The following C12orf54 variants were observed in gnomAD, a reference collection of about 807,000 sequenced individuals.
C12orf54 encodes uncharacterized protein C12orf54.
A neutral mutation model predicts 26.4 loss-of-function variants in C12orf54; 24 were observed. The ratio of observed to expected loss-of-function variants is 0.91; its 90% CI spans 0.66 to 1.28. The LOEUF is 1.28. Ranked by LOEUF, C12orf54 falls within the 50% of genes most tolerant of loss-of-function variation. The pLI is 0.00. For missense variants in C12orf54, 154 were observed against 150.9 expected, an observed-to-expected ratio of 1.02 and a Z score of -0.11; for synonymous variants, 54 against 47.0, an observed-to-expected ratio of 1.15 and a Z score of -0.61.
At chr12:48,454,884 C>T in the C12orf54 span, among the ~76,000 whole-genome samples, 29 of 152,194 alleles carry the variant, frequency 1.9e-4, no homozygotes, top group African/African-American at 4.8e-4. Flanking sequence ...TTCCTTGTGG[C>T]TCAACTTTAG....
chr12:48,459,095 T>A, the C12orf54 span, among the ~76,000 whole-genome samples: 1 of 152,192 alleles, frequency 6.6e-6, no homozygotes, highest in African/African-American at 2.4e-5. Flanking sequence ...TACCCCTTTC[T>A]CCTTTTATTT....
chr12:48,415,206 G>A, the C12orf54 span, among the ~76,000 whole-genome samples: 13 of 151,994 alleles, frequency 8.6e-5, no homozygotes, highest in Admixed American at 1.3e-4. Context: ...ATTTTTTCAC[G>A]TACTAAAAAC....
intron 6 of C12orf54, 138 bp downstream of exon 6, chr12:48,490,974 C>A: frequency 9.9e-7 from 1 of 1,007,452 alleles, no homozygotes. Flanking sequence ...AAAGTCTCAC[C>A]CTAGGATCTT....
At chr12:48,433,917 A>G in the C12orf54 span, among the ~76,000 whole-genome samples, 3 of 152,196 alleles carry the variant, frequency 2.0e-5, no homozygotes, top group African/African-American at 7.2e-5. Flanking sequence ...CAGTGGGTGC[A>G]GGACAGTGGG....
the C12orf54 span, among the ~76,000 whole-genome samples, chr12:48,434,296 C>G: frequency 6.6e-6 from 1 of 152,218 alleles, no homozygotes; most frequent in Non-Finnish European, 1.5e-5. Flanking sequence ...CACCACAGAT[C>G]AAGGAGGACT....
upstream of C12orf54, among the ~76,000 whole-genome samples, chr12:48,481,458 A>C (rs1258783705): frequency 6.6e-6 from 1 of 152,088 alleles, no homozygotes. Flanking sequence ...AATTTGAAGC[A>C]CTTCATGATA....
intron 4 of C12orf54, chr12:48,488,492 A>AAAG: frequency 2.6e-6 from 1 of 383,616 alleles, no homozygotes. Flanking sequence ...AAAAAAAAAA[A>AAAG]AAAGAAAGAA....
the C12orf54 span, among the ~76,000 whole-genome samples, chr12:48,426,384 G>C: frequency 9.2e-5 from 14 of 152,180 alleles, 1 homozygote; most frequent in South Asian, 2.9e-3. Flanking sequence ...TCAAAGATCA[G>C]ACAGTTGTAG....
chr12:48,474,428 C>T, the C12orf54 span, among the ~76,000 whole-genome samples: 50,796 of 152,034 alleles, frequency 0.33, 10,535 homozygotes, highest in Middle Eastern at 0.48. Context: ...GTGCATGACC[C>T]GAAGCAGGGC....
Position 48,494,819 on chromosome 12 carries a change from C to T in C12orf54, c.264C>T (p.Ser88=), listed in dbSNP as rs775405583. ...PRTGSIRPPD[S]LMTPKLRRLQ... is the part of the protein sequence containing the mutation. ...ACAGAAGCATAAGGCCTCCAGATTC[C>T]TTGATGACCCCAAAGTTGAGAAGAT... Residue 88 remains serine, a synonymous_variant, in exon 8 of 9, where the codon TCC becomes TCT. Transcript: ENST00000548364. The T allele has an allele frequency of 5.0e-6, 8 of 1,613,938 alleles. No individual in the cohort carries two copies. Among genetic ancestry groups the T allele is most frequent in the South Asian group, 1.1e-5 (1 of 91,074 alleles).
the C12orf54 span, among the ~76,000 whole-genome samples, chr12:48,434,808 G>GGGAAAAAACAGAAC: frequency 6.6e-6 from 1 of 152,026 alleles, no homozygotes; most frequent in Non-Finnish European, 1.5e-5. Flanking sequence ...CACAAAGATG[G>GGGAAAAAACAGAAC]GGAAAAAACA....
chr12:48,489,145 CA>C (rs1432159444), intron 5 of C12orf54, 189 bp downstream of exon 5: 1 of 757,010 alleles, frequency 1.3e-6, no homozygotes, highest in Non-Finnish European at 2.4e-6. Context: ...AGATGCCTAA[CA>C]GTTCCCTTGA....
the C12orf54 span, among the ~76,000 whole-genome samples, chr12:48,438,200 C>A: frequency 6.6e-6 from 1 of 152,034 alleles, no homozygotes; most frequent in Non-Finnish European, 1.5e-5. Context: ...TTACAAGGGA[C>A]GTGAAGGACC....
At chr12:48,416,493 C>G in the C12orf54 span, among the ~76,000 whole-genome samples, 1 of 152,104 alleles carries the variant, frequency 6.6e-6, no homozygotes, top group African/African-American at 2.4e-5. Context: ...CAACACCTAC[C>G]CCTCCAAAAG....
the C12orf54 span, among the ~76,000 whole-genome samples, chr12:48,416,493 C>T: frequency 6.6e-6 from 1 of 152,104 alleles, no homozygotes; most frequent in Non-Finnish European, 1.5e-5. Context: ...CAACACCTAC[C>T]CCTCCAAAAG....
the C12orf54 span, among the ~76,000 whole-genome samples, chr12:48,465,902 T>G: frequency 2.0e-5 from 3 of 152,088 alleles, no homozygotes; most frequent in East Asian, 5.8e-4. Context: ...CTTCTATCTA[T>G]GATATGTTTC....
At chr12:48,483,197 C>A in intron 1 of C12orf54, 43 bp from the exon 2 acceptor site, 1 of 1,032,442 alleles carries the variant, frequency 9.7e-7, no homozygotes, top group Non-Finnish European at 1.5e-6. Context: ...TTTCTTCTCA[C>A]CATGTACCTG....
the C12orf54 span, among the ~76,000 whole-genome samples, chr12:48,422,850 TC>T: frequency 2.0e-5 from 3 of 152,094 alleles, no homozygotes; most frequent in Admixed American, 6.6e-5. Context: ...AAGAATAAAT[TC>T]TTGAGAATAG....
the C12orf54 span, among the ~76,000 whole-genome samples, chr12:48,462,144 T>C: frequency 6.6e-6 from 1 of 151,546 alleles, no homozygotes; most frequent in Non-Finnish European, 1.5e-5. Context: ...TGAAAATGGA[T>C]AAGAAATCAA....
Sources: gnomAD v4.1 joint callset for allele counts (sites outside exome capture counted in the v4.1 genomes callset) on GRCh38, gnomAD v4.1.1 for gene constraint, MANE v1.5 for transcripts, NCBI Gene and HGNC (gene_info 2026-07-23, HGNC 2026-07-21) for gene names.